Variants in LTBP1 observed in about 807,000 individuals in gnomAD.
LTBP1 encodes latent transforming growth factor beta binding protein 1.
Under a neutral mutation model 207.6 loss-of-function variants are expected in LTBP1, and 129 were observed. That is an observed-to-expected ratio of 0.62 (90% CI 0.54 to 0.72). The LOEUF (loss-of-function observed/expected upper bound fraction) is 0.72. Among genes scored for constraint, LTBP1 ranks in the 30% least tolerant of loss-of-function variants. The pLI is 0.00. For synonymous variants in LTBP1, 963 were observed against 833.7 expected (o/e 1.16, Z -2.67); for missense variants, 2,281 against 2,217.2 (o/e 1.03, Z -0.58).
intron 5 of LTBP1, among the ~76,000 whole-genome samples, chr2:33,158,796 C>G (rs1296201673): frequency 1.3e-5 from 2 of 152,220 alleles, no homozygotes; most frequent in African/African-American, 4.8e-5. Context: ...CTTCTCCACT[C>G]CTCTCCCTTT....
chr2:33,232,312 G>A (rs2091836228), intron 9 of LTBP1, among the ~76,000 whole-genome samples: 1 of 152,186 alleles, frequency 6.6e-6, no homozygotes, highest in Admixed American at 6.5e-5. Context: ...TGAAGTCAGA[G>A]CTAGTTGAGA....
At chr2:33,182,443 A>G (rs568081380) in intron 5 of LTBP1, among the ~76,000 whole-genome samples, 85 of 151,892 alleles carry the variant, frequency 5.6e-4, no homozygotes, top group African/African-American at 1.9e-3. Flanking sequence ...TGGGCGGATG[A>G]TGAAGTCAGG....
chr2:33,148,896 C>CTG (rs2083271964), intron 5 of LTBP1, among the ~76,000 whole-genome samples: 1 of 152,126 alleles, frequency 6.6e-6, no homozygotes, highest in Admixed American at 6.5e-5. Flanking sequence ...GCCGGGGATG[C>CTG]TGTGTGTGTC....
At chr2:33,015,911 C>T (rs1425636691) in intron 2 of LTBP1, among the ~76,000 whole-genome samples, 1 of 152,104 alleles carries the variant, frequency 6.6e-6, no homozygotes, top group Admixed American at 6.5e-5. Context: ...CCCACTCACT[C>T]ACTATTGCAA....
At chr2:33,189,700 G>A (rs1365261727) in intron 7 of LTBP1, among the ~76,000 whole-genome samples, 11 of 152,162 alleles carry the variant, frequency 7.2e-5, no homozygotes. Context: ...TCTTTGACAG[G>A]AAGTAATATT....
rs748557963 is a variant in LTBP1 at position 33,342,880 on chromosome 2, G to A, written c.3773G>A (p.Gly1258Glu). 1 of 1,613,922 alleles carries A rather than the reference G, an allele frequency of 6.2e-7. No homozygotes were observed. Among genetic ancestry groups the A allele is most frequent in the African/African-American group, 1.3e-5 (1 of 74,904 alleles). Residue 1258 changes from glycine to glutamate, a missense_variant, in exon 25 of 34, where the codon GGG (glycine) becomes GAG (glutamate). Gly to Glu is a moderately conservative substitution (Grantham distance 98). Coordinates refer to ENST00000404816, the MANE Select transcript of LTBP1 (RefSeq NM_206943.4). ...AACAACACTGTTTGTGACAGTCACG[G>A]GTTTTGTGACAATACAGCTGGCTCC... ...CVNNTVCDSH[G>E]FCDNTAGSFR... is the part of the protein sequence containing the mutation.
chr2:33,398,307 G>C (rs76806921), intron 33 of LTBP1, 57 bp from the exon 34 acceptor site: 1 of 1,532,026 alleles, frequency 6.5e-7, no homozygotes, highest in South Asian at 1.2e-5. Context: ...CTCAGGTTAT[G>C]TGTCCTCACA....
chr2:33,257,247 G>T, intron 11 of LTBP1, 37 bp from the exon 12 acceptor site: 1 of 1,537,712 alleles, frequency 6.5e-7, no homozygotes, highest in Non-Finnish European at 9.0e-7. Flanking sequence ...TGCACTGTTA[G>T]ATTTTTAAAA....
intron 31 of LTBP1, among the ~76,000 whole-genome samples, chr2:33,369,359 TG>T (rs1332524751): frequency 1.3e-5 from 2 of 152,172 alleles, no homozygotes; most frequent in Admixed American, 6.5e-5. Context: ...GTAGTTTTTT[TG>T]TTAACTGTAT....
At chr2:33,374,337 T>G (rs757665606) in intron 31 of LTBP1, among the ~76,000 whole-genome samples, 3 of 152,200 alleles carry the variant, frequency 2.0e-5, no homozygotes, top group Non-Finnish European at 4.4e-5. Flanking sequence ...GCACATTACT[T>G]CAACCTCCTT....
chr2:33,317,276 T>C (rs2094287234), intron 24 of LTBP1, among the ~76,000 whole-genome samples: 1 of 152,228 alleles, frequency 6.6e-6, no homozygotes, highest in Non-Finnish European at 1.5e-5. Flanking sequence ...ACACCTGGTC[T>C]GTACTGCCTT....
At chr2:33,089,169 A>G (rs1333902833) in intron 3 of LTBP1, among the ~76,000 whole-genome samples, 5 of 151,328 alleles carry the variant, frequency 3.3e-5, no homozygotes, top group Non-Finnish European at 5.9e-5. Flanking sequence ...AAAAAAAAAA[A>G]AAAGAAAAAA....
chr2:33,394,683 C>A (rs1324618569), intron 32 of LTBP1, among the ~76,000 whole-genome samples: 2 of 152,264 alleles, frequency 1.3e-5, no homozygotes, highest in African/African-American at 4.8e-5. Context: ...TTGGTACGAG[C>A]ATCATGCTGT....
At chr2:33,097,403 A>G (rs982308035) in intron 3 of LTBP1, among the ~76,000 whole-genome samples, 1 of 152,176 alleles carries the variant, frequency 6.6e-6, no homozygotes, top group African/African-American at 2.4e-5. Flanking sequence ...CTGTTTGGGT[A>G]TGGTGCCTAG....
chr2:33,041,136 G>A (rs1269619255), intron 3 of LTBP1, among the ~76,000 whole-genome samples: 1 of 152,184 alleles, frequency 6.6e-6, no homozygotes, highest in Non-Finnish European at 1.5e-5. Flanking sequence ...ATGATTAAGA[G>A]GTCTCTACCA....
At chr2:33,322,647 T>G (rs2094372631) in intron 24 of LTBP1, among the ~76,000 whole-genome samples, 1 of 152,242 alleles carries the variant, frequency 6.6e-6, no homozygotes. Flanking sequence ...TCTTCTCATT[T>G]AATCTTCACA....
chr2:33,273,840 A>G, intron 16 of LTBP1, 59 bp downstream of exon 16: 1 of 1,460,784 alleles, frequency 6.8e-7, no homozygotes, highest in Non-Finnish European at 9.1e-7. Context: ...CATTAAGAAC[A>G]TTTTTTTCTT....
chr2:33,376,218 C>T (rs1333999557), intron 31 of LTBP1, among the ~76,000 whole-genome samples: 8 of 152,154 alleles, frequency 5.3e-5, no homozygotes, highest in Admixed American at 5.2e-4. Flanking sequence ...TCAAATTCTC[C>T]TAATCCTCAT....
chr2:33,290,581 T>C (rs556379277), intron 19 of LTBP1, among the ~76,000 whole-genome samples: 56 of 151,984 alleles, frequency 3.7e-4, no homozygotes, highest in Admixed American at 7.2e-4. Flanking sequence ...ACAAACAAAT[T>C]AAAAGACTGT....
Sources: gnomAD v4.1 joint callset for allele counts (sites outside exome capture counted in the v4.1 genomes callset) on GRCh38, gnomAD v4.1.1 for gene constraint, MANE v1.5 for transcripts, NCBI Gene and HGNC (gene_info 2026-07-23, HGNC 2026-07-21) for gene names.